Variants in ARHGEF3 observed in about 807,000 individuals in gnomAD.
The protein encoded by ARHGEF3 is 59.8 kDA protein.
In ARHGEF3, 28 loss-of-function variants were observed where a neutral mutation model predicts 63.2. That is an observed-to-expected ratio of 0.44 (90% CI 0.33 to 0.61). The LOEUF (loss-of-function observed/expected upper bound fraction) is 0.61, where lower values mean the gene tolerates loss of function less well. ARHGEF3 is among the 20% of genes least tolerant of loss of function. The pLI, the probability that ARHGEF3 is intolerant of heterozygous loss-of-function variation, is 0.03. For missense variants in ARHGEF3, 533 were observed against 659.3 expected (o/e 0.81, Z 2.10); for synonymous variants, 266 against 254.2 (o/e 1.05, Z -0.44).
intron 1 of ARHGEF3, chr3:56,775,698 C>G: frequency 3.0e-6 from 3 of 985,552 alleles, no homozygotes. Flanking sequence ...CTGTCCAGTG[C>G]CAGGCTCTTG....
chr3:57,068,328 T>C (rs1373757072), intron 1 of ARHGEF3, among the ~76,000 whole-genome samples: 2 of 152,286 alleles, frequency 1.3e-5, no homozygotes, highest in Non-Finnish European at 2.9e-5. Flanking sequence ...TAAAAGGTAA[T>C]ACGTTCATTT....
intron 3 of ARHGEF3, among the ~76,000 whole-genome samples, chr3:56,911,737 A>C (rs1292767557): frequency 1.3e-5 from 2 of 151,922 alleles, no homozygotes; most frequent in African/African-American, 4.8e-5. Flanking sequence ...CCTCCACAAA[A>C]TCAAACTACG....
At chr3:56,864,552 A>G (rs1319929137) in intron 4 of ARHGEF3, among the ~76,000 whole-genome samples, 2 of 152,182 alleles carry the variant, frequency 1.3e-5, no homozygotes, top group Non-Finnish European at 2.9e-5. Context: ...TACGGTGATT[A>G]TTAACATCTG....
At chr3:56,876,082 T>G (rs1273478058) in intron 4 of ARHGEF3, among the ~76,000 whole-genome samples, 1 of 152,084 alleles carries the variant, frequency 6.6e-6, no homozygotes, top group African/African-American at 2.4e-5. Context: ...AGAAACAGCA[T>G]GCATTCCACA....
chr3:57,055,177 T>C (rs1704866370), intron 1 of ARHGEF3, among the ~76,000 whole-genome samples: 1 of 151,524 alleles, frequency 6.6e-6, no homozygotes, highest in South Asian at 2.1e-4. Flanking sequence ...TTTTTTTTTT[T>C]TTGAGACGAA....
chr3:56,850,193 C>T (rs576320767), intron 4 of ARHGEF3, among the ~76,000 whole-genome samples: 4 of 152,252 alleles, frequency 2.6e-5, no homozygotes, highest in Admixed American at 2.6e-4. Flanking sequence ...TCAGCAGTCC[C>T]CATCTGATGA....
intron 4 of ARHGEF3, among the ~76,000 whole-genome samples, chr3:56,839,844 C>T (rs1345292661): frequency 6.6e-6 from 1 of 152,090 alleles, no homozygotes; most frequent in African/African-American, 2.4e-5. Context: ...TTTTACCCAC[C>T]TGAGGAAGGG....
intron 3 of ARHGEF3, among the ~76,000 whole-genome samples, chr3:56,918,185 G>A (rs948451013): frequency 7.2e-5 from 11 of 152,198 alleles, no homozygotes; most frequent in African/African-American, 2.2e-4. Context: ...CAATTCAGCC[G>A]ATGAAGAAAG....
At chr3:56,833,706 C>G (rs1286064267) in intron 4 of ARHGEF3, among the ~76,000 whole-genome samples, 1 of 152,160 alleles carries the variant, frequency 6.6e-6, no homozygotes, top group Non-Finnish European at 1.5e-5. Context: ...AAGGCTCAAA[C>G]TTGGATTTAT....
chr3:56,736,049 A>AACACACACACAC (rs10530565), intron 8 of ARHGEF3, among the ~76,000 whole-genome samples: 86 of 147,178 alleles, frequency 5.8e-4, no homozygotes, highest in African/African-American at 1.7e-3. Context: ...CAGAAATTTA[A>AACACACACACAC]ACACACACAC....
At chr3:56,892,284 A>G (rs2041149148) in intron 3 of ARHGEF3, among the ~76,000 whole-genome samples, 1 of 152,192 alleles carries the variant, frequency 6.6e-6, no homozygotes, top group Admixed American at 6.5e-5. Flanking sequence ...CATCGATCTA[A>G]GGTGGGAGAA....
At chr3:56,976,373 T>C (rs1281636348) in intron 2 of ARHGEF3, among the ~76,000 whole-genome samples, 1 of 152,226 alleles carries the variant, frequency 6.6e-6, no homozygotes, top group Admixed American at 6.5e-5. Context: ...TAGAAAACTC[T>C]TTACTCAAAA....
intron 2 of ARHGEF3, among the ~76,000 whole-genome samples, chr3:57,001,543 C>T (rs1702192441): frequency 6.6e-6 from 1 of 152,276 alleles, no homozygotes; most frequent in East Asian, 1.9e-4. Flanking sequence ...CTTCCCAGAC[C>T]CCCTGTAGCT....
intron 2 of ARHGEF3, among the ~76,000 whole-genome samples, chr3:56,991,921 C>T (rs755784433): frequency 9.9e-5 from 15 of 152,104 alleles, no homozygotes; most frequent in Non-Finnish European, 1.9e-4. Flanking sequence ...GGCCCATTAA[C>T]CAGTTTTATA....
chr3:57,054,626 G>T (rs1442483593), intron 1 of ARHGEF3, among the ~76,000 whole-genome samples: 1 of 149,436 alleles, frequency 6.7e-6, no homozygotes, highest in African/African-American at 2.5e-5. Context: ...GTGACAGAGT[G>T]AGACCCCATC....
chr3:56,795,345 C>T (rs1005396195), intron 1 of ARHGEF3, among the ~76,000 whole-genome samples: 6 of 152,124 alleles, frequency 3.9e-5, no homozygotes, highest in African/African-American at 1.4e-4. Context: ...TGGGTCATTT[C>T]CTGGAGGCTG....
chr3:56,995,598 G>A (rs1351508115), intron 2 of ARHGEF3, among the ~76,000 whole-genome samples: 1 of 143,958 alleles, frequency 6.9e-6, no homozygotes, highest in South Asian at 2.2e-4. Context: ...TGACACTAGG[G>A]GGCAAAAGAG....
Position 56,955,053 on chromosome 3 carries a change from C to T in ARHGEF3, c.129+3770G>A, listed in dbSNP as rs115849460. On this transcript the variant is annotated intron_variant, in intron 3 of 12. Coordinates refer to the ARHGEF3 transcript ENST00000338458. ...CAGCTTCTCCCACTGTACCTCTCCT[C>T]GAGAGCAATATGGTTCCTTCTTCTC... Among the ~76,000 whole-genome samples, 214 of 152,276 alleles carry T rather than the reference C, an allele frequency of 1.4e-3. 2 individuals are homozygous for T. Among genetic ancestry groups the T allele is most frequent in the African/African-American group, 4.8e-3 (201 of 41,560 alleles).
chr3:56,739,290 G>A (rs1471155546), intron 7 of ARHGEF3, among the ~76,000 whole-genome samples: 1 of 151,514 alleles, frequency 6.6e-6, no homozygotes, highest in Non-Finnish European at 1.5e-5. Flanking sequence ...GCCAATCTCT[G>A]AAAAGCAAGG....
Sources: gnomAD v4.1 joint callset for allele counts (sites outside exome capture counted in the v4.1 genomes callset) on GRCh38, gnomAD v4.1.1 for gene constraint, MANE v1.5 for transcripts, NCBI Gene and HGNC (gene_info 2026-07-23, HGNC 2026-07-21) for gene names.